HSPA4L: variants seen among roughly 807,000 people sequenced by gnomAD.
HSPA4L encodes the protein heat shock 70 kDa protein 4L.
In HSPA4L, 48 loss-of-function variants were observed where a neutral mutation model predicts 100.3. That is an observed-to-expected ratio of 0.48 (90% CI 0.38 to 0.61). HSPA4L has a LOEUF of 0.61. HSPA4L is among the 20% of genes least tolerant of loss of function. The pLI is 0.00. For missense variants in HSPA4L, 886 were observed against 988.6 expected, an observed-to-expected ratio of 0.90 and a Z score of 1.39; for synonymous variants, 319 against 328.2, an observed-to-expected ratio of 0.97 and a Z score of 0.30.
At position 127,840,718 on chromosome 4, in the gene HSPA4L, C is replaced by T. The variant is rs1206704419; in HGVS notation, c.*7844C>T. On this transcript the variant is annotated 3_prime_UTR_variant, in exon 19 of 19. Transcript: ENST00000296464. Reference sequence around the variant, plus strand: ...TAATTATAATAAATATGTCTACCTACTCCTTGAACCATGAATTTTGCACAC... The same window carrying T: ...TAATTATAATAAATATGTCTACCTATTCCTTGAACCATGAATTTTGCACAC... 1 of 152,112 alleles carries T rather than the reference C, an allele frequency of 6.6e-6. No individual in the cohort carries two copies. Among genetic ancestry groups the T allele is most frequent in the Non-Finnish European group, 1.5e-5 (1 of 68,042 alleles). 9.4% of individuals were successfully genotyped at this position (152,112 alleles called of 1,614,324 possible).
Position 127,823,633 on chromosome 4 carries a change from T to TTAA in HSPA4L, c.2046+10_2046+11insAAT. Reference sequence around the variant, plus strand: ...AGCTTCAAGAACTAAAGGTACATTTTTTTAAAGTCCATGTTAGTATAAACC... The same window carrying TTAA: ...AGCTTCAAGAACTAAAGGTACATTTTTAATTTAAAGTCCATGTTAGTATAAACC... On this transcript the variant is annotated intron_variant, in intron 16 of 18. Transcript: ENST00000296464. 1 of 1,565,168 alleles carries TTAA rather than the reference T, an allele frequency of 6.4e-7. No homozygotes were observed. Among genetic ancestry groups the TTAA allele is most frequent in the Non-Finnish European group, 8.8e-7 (1 of 1,136,034 alleles).
intron 6 of HSPA4L, 129 bp from the exon 7 acceptor site, chr4:127,803,500 C>A (rs929695777): frequency 2.1e-5 from 16 of 766,270 alleles, no homozygotes; most frequent in Non-Finnish European, 3.0e-5. Context: ...AAATTCAGCA[C>A]CCCTGTGATT....
chr4:127,818,498 C>A, intron 13 of HSPA4L, 78 bp downstream of exon 13: 1 of 796,702 alleles, frequency 1.3e-6, no homozygotes, highest in Non-Finnish European at 2.0e-6. Flanking sequence ...TTTCTTTTAA[C>A]GCACTTGATA....
Position 127,811,368 on chromosome 4 carries a change from A to G in HSPA4L, c.1379-69A>G. ...TGCCAACATCTTAAAGATGATAGCC[A>G]AATTATTCAATGAATTGAATAAGTT... On this transcript the variant is annotated intron_variant, in intron 11 of 18. Coordinates refer to ENST00000296464, the MANE Select transcript of HSPA4L (RefSeq NM_014278.4). The G allele has an allele frequency of 7.5e-6, 9 of 1,206,750 alleles. No individual in the cohort carries two copies. In the South Asian group the frequency reaches 1.2e-4, roughly 16 times the overall value. 74.8% of individuals were successfully genotyped at this position (1,206,750 alleles called of 1,614,324 possible).
intron 18 of HSPA4L, 87 bp downstream of exon 18, chr4:127,830,886 C>T: frequency 1.2e-6 from 1 of 824,826 alleles, no homozygotes; most frequent in Admixed American, 3.5e-5. Context: ...AATCAACTTG[C>T]AGAAGAACTT....
intron 12 of HSPA4L, among the ~76,000 whole-genome samples, chr4:127,817,758 T>C (rs1254103013): frequency 6.6e-6 from 1 of 152,206 alleles, no homozygotes; most frequent in African/African-American, 2.4e-5. Flanking sequence ...TAGTATTGTA[T>C]TTGTGTAATT....
intron 12 of HSPA4L, among the ~76,000 whole-genome samples, chr4:127,814,873 T>C (rs894636389): frequency 6.6e-6 from 1 of 152,188 alleles, no homozygotes; most frequent in Non-Finnish European, 1.5e-5. Flanking sequence ...CCTGTGCACT[T>C]TTTAATGGTT....
chr4:127,782,394 T>C lies in HSPA4L; in HGVS notation c.-157T>C, dbSNP rs1732582905. 1 of 631,756 alleles carries C rather than the reference T, an allele frequency of 1.6e-6. No homozygotes were observed. Among genetic ancestry groups the C allele is most frequent in the Admixed American group, 2.4e-5 (1 of 41,944 alleles). 39.1% of individuals were successfully genotyped at this position (631,756 alleles called of 1,614,324 possible). A position where few individuals can be genotyped will look rare whatever the true frequency, so the allele number is the denominator to read the frequency against. ...GACGGCCTCTGCTCCTTCCGCGGGT[T>C]TCCGACTCCCTGCCCTAGATTTTCT... On this transcript the variant is annotated 5_prime_UTR_variant, in exon 1 of 19. Transcript: ENST00000296464.
chr4:127,813,144 A>G, intron 12 of HSPA4L: 2 of 1,426,328 alleles, frequency 1.4e-6, no homozygotes, highest in Non-Finnish European at 2.0e-6. Flanking sequence ...CATGTTTTCT[A>G]AAAGGCCTAG....
At chr4:127,810,895 G>A (rs992397639) in intron 11 of HSPA4L, among the ~76,000 whole-genome samples, 3 of 151,982 alleles carry the variant, frequency 2.0e-5, no homozygotes, top group African/African-American at 4.8e-5. Context: ...CTCTTCTATA[G>A]ATAATATATA....
chr4:127,801,525 G>A lies in HSPA4L; in HGVS notation c.530-260G>A, dbSNP rs145455471. ...TGTATGTACTGATTCTTATAAGCTT[G>A]TTACTTTGTAGTACAACTTTTTGGC... On this transcript the variant is annotated intron_variant, in intron 5 of 18. Coordinates refer to ENST00000296464, the MANE Select transcript of HSPA4L (RefSeq NM_014278.4). Among the ~76,000 whole-genome samples the A allele has an allele frequency of 1.5e-4, 22 of 150,482 alleles. No homozygotes were observed. The East Asian group carries it at 2.0e-3, about 13-fold the overall frequency.
chr4:127,795,747 A>G, intron 2 of HSPA4L, 21 bp from the exon 3 acceptor site: 1 of 1,611,580 alleles, frequency 6.2e-7, no homozygotes, highest in Non-Finnish European at 8.5e-7. Flanking sequence ...ACTGATAAAT[A>G]CAAGTGTTTA....
chr4:127,822,992 A>G (rs1455302151), intron 15 of HSPA4L, 98 bp downstream of exon 15: 48 of 1,224,228 alleles, frequency 3.9e-5, no homozygotes, highest in Non-Finnish European at 5.4e-5. Context: ...AAATGTTGTT[A>G]TTGTTGCCAA....
At chr4:127,787,673 T>G (rs1732755662) in intron 1 of HSPA4L, among the ~76,000 whole-genome samples, 1 of 152,196 alleles carries the variant, frequency 6.6e-6, no homozygotes, top group Admixed American at 6.5e-5. Flanking sequence ...TTTTGCTAGC[T>G]GTATAGTATC....
chr4:127,827,435 C>T lies in HSPA4L; in HGVS notation c.2166+11C>T. 2 of 1,613,376 alleles carry T rather than the reference C, an allele frequency of 1.2e-6. No individual in the cohort carries two copies. Among genetic ancestry groups the T allele is most frequent in the Non-Finnish European group, 1.7e-6 (2 of 1,179,528 alleles). ...GCTTATAGAAACAAGGTATTGAATT[C>T]ATAAAGCCAATTGGTGACGATGGCA... On this transcript the variant is annotated intron_variant, in intron 17 of 18. Coordinates refer to ENST00000296464, the MANE Select transcript of HSPA4L (RefSeq NM_014278.4).
chr4:127,811,130 G>A (rs1733515952), intron 11 of HSPA4L, among the ~76,000 whole-genome samples: 1 of 149,752 alleles, frequency 6.7e-6, no homozygotes. Flanking sequence ...AGTATTATGA[G>A]ATAACTTACT....
At chr4:127,793,134 T>C (rs920842551) in intron 1 of HSPA4L, among the ~76,000 whole-genome samples, 1 of 152,154 alleles carries the variant, frequency 6.6e-6, no homozygotes, top group Non-Finnish European at 1.5e-5. Flanking sequence ...ATGATCTTAG[T>C]TTTTAAGTGG....
intron 12 of HSPA4L, among the ~76,000 whole-genome samples, chr4:127,817,648 C>A (rs1733701460): frequency 6.6e-6 from 1 of 151,966 alleles, no homozygotes; most frequent in Non-Finnish European, 1.5e-5. Flanking sequence ...TTTAGAAACA[C>A]CCACTTTGAG....
At chr4:127,796,872 A>G (rs1404288110) in intron 3 of HSPA4L, among the ~76,000 whole-genome samples, 1 of 152,218 alleles carries the variant, frequency 6.6e-6, no homozygotes, top group African/African-American at 2.4e-5. Flanking sequence ...AAAATGTTCT[A>G]CAATTAGATA....
Sources: allele counts gnomAD v4.1 joint callset (sites outside exome capture counted in the v4.1 genomes callset), GRCh38; gene constraint gnomAD v4.1.1; transcripts MANE v1.5; gene names NCBI Gene and HGNC (gene_info 2026-07-23, HGNC 2026-07-21).